Variants in HBS1L observed in about 807,000 individuals in gnomAD.
The protein encoded by HBS1L is HBS1-like protein.
A neutral mutation model predicts 88.9 loss-of-function variants in HBS1L; 55 were observed. That is an observed-to-expected ratio of 0.62 (90% CI 0.50 to 0.77). HBS1L has a LOEUF of 0.77. Among genes scored for constraint, HBS1L ranks in the 30% least tolerant of loss-of-function variants. The pLI, the probability that HBS1L is intolerant of heterozygous loss-of-function variation, is 0.00. For synonymous variants in HBS1L, 267 were observed against 288.5 expected, an observed-to-expected ratio of 0.93 and a Z score of 0.76; for missense variants, 741 against 829.3, an observed-to-expected ratio of 0.89 and a Z score of 1.31.
At chr6:135,037,684 A>T in intron 4 of HBS1L, 1 of 1,550,804 alleles carries the variant, frequency 6.4e-7, no homozygotes, top group Non-Finnish European at 8.7e-7. Flanking sequence ...ATCGGCATCT[A>T]GGTTCTTTGA....
intron 15 of HBS1L, among the ~76,000 whole-genome samples, chr6:134,977,105 T>C (rs1158963634): frequency 1.3e-5 from 2 of 151,962 alleles, no homozygotes; most frequent in African/African-American, 4.8e-5. Flanking sequence ...TTTTCTCCCA[T>C]AGGGAGTAGA....
At chr6:134,989,545 GATATA>G (rs1380300676) in intron 8 of HBS1L, among the ~76,000 whole-genome samples, 21 of 152,138 alleles carry the variant, frequency 1.4e-4, no homozygotes, top group African/African-American at 5.1e-4. Context: ...AAGAATTTCA[GATATA>G]ATATATAATC....
chr6:135,036,393 T>C (rs1351069595), intron 4 of HBS1L: 16 of 1,309,428 alleles, frequency 1.2e-5, no homozygotes, highest in East Asian at 5.8e-5. Context: ...AAAGAAGACA[T>C]AGTTAAAAAA....
intron 4 of HBS1L, 57 bp from the exon 5 acceptor site, chr6:135,002,899 T>A (rs1317857778): frequency 2.1e-6 from 2 of 956,420 alleles, no homozygotes; most frequent in East Asian, 5.4e-5. Context: ...TATAAAGAAA[T>A]CTATTACATA....
intron 15 of HBS1L, among the ~76,000 whole-genome samples, chr6:134,974,519 T>C (rs886205822): frequency 2.0e-5 from 3 of 151,916 alleles, no homozygotes; most frequent in Non-Finnish European, 4.4e-5. Flanking sequence ...AACAAAATAC[T>C]AGCAAACCAA....
At chr6:135,033,315 G>C (rs1212893520) in intron 4 of HBS1L, among the ~76,000 whole-genome samples, 1 of 152,176 alleles carries the variant, frequency 6.6e-6, no homozygotes, top group Non-Finnish European at 1.5e-5. Context: ...ATAAACAGCA[G>C]CTGGTACAGA....
At chr6:135,044,018 C>A (rs979070487) in intron 2 of HBS1L, among the ~76,000 whole-genome samples, 2 of 152,090 alleles carry the variant, frequency 1.3e-5, no homozygotes, top group Admixed American at 1.3e-4. Context: ...CCACGTAGCT[C>A]CACATTCCTC....
rs1356922931 is a variant in HBS1L at position 135,002,238 on chromosome 6, C to G, written c.539+496G>C. On this transcript the variant is annotated intron_variant, in intron 5 of 17. Coordinates refer to ENST00000367837, the MANE Select transcript of HBS1L (RefSeq NM_006620.4). ...TTTTCACTACATATTTGAAATTCTA[C>G]ATATGTTTCATATCATATGTCTTTG... 2.6e-5 allele frequency among the ~76,000 whole-genome samples: 4 copies of G among 152,178 alleles called. No individual in the cohort carries two copies. In the South Asian group the frequency reaches 8.3e-4, roughly 32 times the overall value.
intron 4 of HBS1L, among the ~76,000 whole-genome samples, chr6:135,023,440 T>C (rs1583126934): frequency 7.9e-6 from 1 of 126,904 alleles, no homozygotes; most frequent in Non-Finnish European, 1.7e-5. Flanking sequence ...CGAGACTCCA[T>C]CTCAAAAACA....
At chr6:135,040,001 A>G (rs996289974) in intron 3 of HBS1L, among the ~76,000 whole-genome samples, 6 of 152,242 alleles carry the variant, frequency 3.9e-5, no homozygotes, top group African/African-American at 1.4e-4. Flanking sequence ...CTCCTGAATA[A>G]TAGTGACTAA....
chr6:135,047,789 A>C (rs963862437), intron 2 of HBS1L, among the ~76,000 whole-genome samples: 3 of 152,188 alleles, frequency 2.0e-5, no homozygotes, highest in Admixed American at 6.5e-5. Flanking sequence ...CATGCTCTCT[A>C]ATGTGCTTAG....
intron 4 of HBS1L, chr6:135,036,288 A>T: frequency 9.8e-7 from 1 of 1,020,534 alleles, no homozygotes; most frequent in Non-Finnish European, 1.2e-6. Flanking sequence ...ACAAAAATAT[A>T]TGAGGTCTGA....
intron 2 of HBS1L, among the ~76,000 whole-genome samples, chr6:135,044,727 C>G (rs1222992597): frequency 6.6e-6 from 1 of 152,100 alleles, no homozygotes; most frequent in Non-Finnish European, 1.5e-5. Flanking sequence ...CTTTAATAAA[C>G]TGTATTCAGT....
rs967176254 is a variant in HBS1L, at chr6:134,962,312, C to T, written c.*2967G>A. The T allele has an allele frequency of 2.6e-5, 4 of 152,010 alleles. No homozygotes were observed. The highest frequency in any genetic ancestry group is 4.4e-5 in the Non-Finnish European group (3 of 68,014). 9.4% of individuals were successfully genotyped at this position (152,010 alleles called of 1,614,324 possible). A position where few individuals can be genotyped will look rare whatever the true frequency, so the allele number is the denominator to read the frequency against. Reference sequence around the variant, plus strand: ...AACAACATGAAAATAACTTGGCTAACGCTCACAACTATGTAAAAAAATGCA... The same window carrying T: ...AACAACATGAAAATAACTTGGCTAATGCTCACAACTATGTAAAAAAATGCA... On this transcript the variant is annotated 3_prime_UTR_variant, in exon 18 of 18. Transcript: ENST00000367837.
intron 4 of HBS1L, among the ~76,000 whole-genome samples, chr6:135,007,750 A>C (rs1775653716): frequency 6.6e-6 from 1 of 152,204 alleles, no homozygotes; most frequent in Admixed American, 6.5e-5. Flanking sequence ...TAAAATGTAA[A>C]ATGTTTACTG....
chr6:134,987,671 C>T lies in HBS1L; in HGVS notation c.1204G>A (p.Ala402Thr). 1.2e-6 allele frequency: 2 copies of T among 1,602,446 alleles called. No individual in the cohort carries two copies. The highest frequency in any genetic ancestry group is 1.7e-6 in the Non-Finnish European group (2 of 1,174,770). ...LVRSLGVTQLAVAVNKMDQVN... is the reference protein window; with the variant it reads ...LVRSLGVTQLTVAVNKMDQVN... Reference sequence around the variant, plus strand: ...TGATCCATTTTATTAACTGCAACTGCAAGCTGCGTCACTCCCAGAGAACGG... The same window carrying T: ...TGATCCATTTTATTAACTGCAACTGTAAGCTGCGTCACTCCCAGAGAACGG... Residue 402 changes from alanine (A) to threonine (T), a missense_variant, in exon 9 of 18, where the codon GCA becomes ACA. Physicochemically the swap from Ala to Thr is moderately conservative, Grantham distance 58 (BLOSUM62 0). This residue lies in a region of HBS1L where 556 missense variants were observed against 598.4 expected (regional missense o/e 0.93). Coordinates refer to ENST00000367837, the MANE Select transcript of HBS1L (RefSeq NM_006620.4).
chr6:134,993,912 T>C lies in HBS1L; in HGVS notation c.966-37A>G, dbSNP rs10484495. The C allele has an allele frequency of 6.1e-4, 575 of 948,566 alleles. 5 individuals carry two copies. In the East Asian group the frequency reaches 0.012, roughly 19 times the overall value. 58.8% of individuals were successfully genotyped at this position (948,566 alleles called of 1,614,324 possible). ...CATAACATGGTTAGAATGTACGATA[T>C]AAATAGTGCTATAGAGTAAATTAAT... On this transcript the variant is annotated intron_variant, in intron 7 of 17. Coordinates refer to ENST00000367837, the MANE Select transcript of HBS1L (RefSeq NM_006620.4).
At position 134,986,864 on chromosome 6, in the gene HBS1L, A is replaced by C. The variant is rs1774993310; in HGVS notation, c.1231-54T>G. 4 of 848,716 alleles carry C rather than the reference A, an allele frequency of 4.7e-6. No homozygotes were observed. The East Asian group carries it at 1.2e-4, about 25-fold the overall frequency. 52.6% of individuals were successfully genotyped at this position (848,716 alleles called of 1,614,324 possible). A position where few individuals can be genotyped will look rare whatever the true frequency, so the allele number is the denominator to read the frequency against. On this transcript the variant is annotated intron_variant, in intron 9 of 17. Coordinates refer to ENST00000367837, the MANE Select transcript of HBS1L (RefSeq NM_006620.4). Reference sequence around the variant, plus strand: ...CTATCCTTCAGAACATGATACATAAAATTTAAATTTCTGCAATGAAATATA... The same window carrying C: ...CTATCCTTCAGAACATGATACATAACATTTAAATTTCTGCAATGAAATATA...
intron 4 of HBS1L, among the ~76,000 whole-genome samples, chr6:135,021,822 C>A (rs971010132): frequency 2.0e-5 from 3 of 152,102 alleles, no homozygotes; most frequent in Non-Finnish European, 4.4e-5. Context: ...ATGAGCCTCA[C>A]CTTAAAGGTT....
Sources: allele counts gnomAD v4.1 joint callset (sites outside exome capture counted in the v4.1 genomes callset), GRCh38; gene constraint gnomAD v4.1.1; regional missense constraint gnomAD v4.1.1; transcripts MANE v1.5; gene names NCBI Gene and HGNC (gene_info 2026-07-23, HGNC 2026-07-21).